RELN: variants seen among roughly 807,000 people sequenced by gnomAD.
RELN encodes the protein reelin.
RELN carries 108 observed loss-of-function variants against 427.6 expected under a neutral mutation model. That is an observed-to-expected ratio of 0.25 (90% CI 0.22 to 0.30). RELN has a LOEUF of 0.30. RELN is among the 10% of genes least tolerant of loss of function. RELN has a pLI of 1.00. For missense variants in RELN, 3,715 were observed against 4,302.8 expected (o/e 0.86, Z 3.82); for synonymous variants, 1,524 against 1,513.4 (o/e 1.01, Z -0.16).
intron 46 of RELN, among the ~76,000 whole-genome samples, chr7:103,528,836 T>A (rs1829879068): frequency 6.6e-6 from 1 of 151,548 alleles, no homozygotes; most frequent in African/African-American, 2.4e-5. Context: ...GCCAATAAGC[T>A]TTTTTAAAGT....
At chr7:103,801,801 T>A (rs1792475700) in intron 3 of RELN, among the ~76,000 whole-genome samples, 1 of 152,152 alleles carries the variant, frequency 6.6e-6, no homozygotes, top group Admixed American at 6.5e-5. Context: ...GGTGAAGGTT[T>A]AAAGAATTTA....
chr7:103,545,248 C>T lies in RELN; in HGVS notation c.6399G>A (p.Glu2133=), dbSNP rs1309148226. 1 of 1,613,994 alleles carries T rather than the reference C, an allele frequency of 6.2e-7. No individual in the cohort carries two copies. Among genetic ancestry groups the T allele is most frequent in the South Asian group, 1.1e-5 (1 of 91,076 alleles). ...IDNVYIGPQC[E]EMCNGQGSCI... ...AGCTCCCCTGTCCATTACACATCTC[C>T]TCACACTGGGGACCGATGTAGACAT... The change falls in exon 42 of 65, where the codon GAG becomes GAA. Residue 2133 remains glutamate, a synonymous_variant. Transcript: ENST00000428762.
intron 33 of RELN, 46 bp from the exon 34 acceptor site, chr7:103,565,597 T>G: frequency 4.4e-6 from 7 of 1,585,338 alleles, no homozygotes; most frequent in Non-Finnish European, 6.0e-6. Flanking sequence ...TGTGCCATTT[T>G]CTTATTTGGT....
In RELN at chr7:103,503,391, G is replaced by A. The variant is rs1413909244; in HGVS notation, c.8275-161C>T. Among the ~76,000 whole-genome samples the A allele has an allele frequency of 3.9e-5, 6 of 152,298 alleles. No homozygotes were observed. In the East Asian group the frequency reaches 7.7e-4, roughly 20 times the overall value. On this transcript the variant is annotated intron_variant, in intron 51 of 64. Transcript: ENST00000428762. ...TTTGTTCTGCTAATGGACAGAGAAA[G>A]TCACCATGATTGCCCCAGGTGACAA...
rs539168813 is a variant in RELN, at chr7:103,904,667, G to A, written c.337+12408C>T. On this transcript the variant is annotated intron_variant, in intron 2 of 64. Coordinates refer to ENST00000428762, the MANE Select transcript of RELN (RefSeq NM_005045.4). ...AATGTGTGTTTTTGTTTGCCTAAAG[G>A]AAAGAAAACAAGTGACTTAATTACT... is the stretch of plus-strand genomic sequence containing the variant. Among the ~76,000 whole-genome samples the A allele has an allele frequency of 2.5e-4, 38 of 152,242 alleles. No homozygotes were observed. In the East Asian group the frequency reaches 6.0e-3, roughly 24 times the overall value.
At chr7:103,746,077 C>T (rs1481592105) in intron 6 of RELN, among the ~76,000 whole-genome samples, 2 of 151,972 alleles carry the variant, frequency 1.3e-5, no homozygotes, top group Non-Finnish European at 2.9e-5. Context: ...AGATATAGAC[C>T]AATGGAACAG....
At chr7:103,923,355 A>C (rs1245377455) in intron 1 of RELN, among the ~76,000 whole-genome samples, 2 of 152,154 alleles carry the variant, frequency 1.3e-5, no homozygotes, top group South Asian at 2.1e-4. Flanking sequence ...TGACCCTCGC[A>C]CTACTTCTCA....
At chr7:103,860,716 T>C (rs39407) in intron 2 of RELN, among the ~76,000 whole-genome samples, 97,938 of 151,902 alleles carry the variant, frequency 0.64, 31,973 homozygotes, top group East Asian at 0.84. Context: ...CGGCCCCAAT[T>C]ATAATTCTAA....
At chr7:103,565,654 C>T in intron 33 of RELN, 103 bp from the exon 34 acceptor site, 1 of 1,154,146 alleles carries the variant, frequency 8.7e-7, no homozygotes, top group Non-Finnish European at 1.2e-6. Flanking sequence ...AAAATCATGG[C>T]CTATCTTTAG....
intron 11 of RELN, among the ~76,000 whole-genome samples, chr7:103,672,574 T>C (rs1833417138): frequency 6.6e-6 from 1 of 152,208 alleles, no homozygotes; most frequent in Non-Finnish European, 1.5e-5. Flanking sequence ...TTTTAACAGC[T>C]TGCAACAAGT....
intron 2 of RELN, among the ~76,000 whole-genome samples, chr7:103,890,422 C>T (rs1794821672): frequency 6.6e-6 from 1 of 152,102 alleles, no homozygotes; most frequent in African/African-American, 2.4e-5. Flanking sequence ...TGAGCTCTGC[C>T]TCCTGTCAGA....
At chr7:103,882,400 T>C (rs1794627279) in intron 2 of RELN, among the ~76,000 whole-genome samples, 1 of 152,210 alleles carries the variant, frequency 6.6e-6, no homozygotes, top group Admixed American at 6.5e-5. Flanking sequence ...AATGGGATAA[T>C]TATTTATCTC....
chr7:103,946,037 G>A (rs891988360), intron 1 of RELN, among the ~76,000 whole-genome samples: 1 of 152,164 alleles, frequency 6.6e-6, no homozygotes, highest in Middle Eastern at 3.2e-3. Flanking sequence ...AGCAATGCAT[G>A]GCTGTGATTA....
At chr7:103,948,791 A>G (rs1796270505) in intron 1 of RELN, among the ~76,000 whole-genome samples, 1 of 152,090 alleles carries the variant, frequency 6.6e-6, no homozygotes, top group African/African-American at 2.4e-5. Context: ...GGGTGGGCAG[A>G]TCACTTAAGC....
chr7:103,753,111 C>A, intron 5 of RELN, 71 bp downstream of exon 5: 1 of 1,468,456 alleles, frequency 6.8e-7, no homozygotes, highest in South Asian at 1.1e-5. Context: ...AACATCTGCT[C>A]GTATAGCCAG....
At chr7:103,949,472 C>G (rs184744972) in intron 1 of RELN, among the ~76,000 whole-genome samples, 7 of 152,050 alleles carry the variant, frequency 4.6e-5, no homozygotes, top group African/African-American at 7.2e-5. Flanking sequence ...GGAGCCCTCA[C>G]GAACGCGATT....
intron 2 of RELN, among the ~76,000 whole-genome samples, chr7:103,855,327 G>C (rs915086001): frequency 2.6e-5 from 4 of 152,216 alleles, no homozygotes; most frequent in Non-Finnish European, 4.4e-5. Context: ...AGTCAGAATG[G>C]GAGGCCATCA....
intron 12 of RELN, among the ~76,000 whole-genome samples, chr7:103,655,734 T>C (rs1219496099): frequency 6.6e-6 from 1 of 152,104 alleles, no homozygotes; most frequent in Non-Finnish European, 1.5e-5. Context: ...AGGATGTCCA[T>C]ACACTGGGTA....
At chr7:103,676,201 A>T (rs575417371) in intron 11 of RELN, among the ~76,000 whole-genome samples, 2 of 152,120 alleles carry the variant, frequency 1.3e-5, no homozygotes, top group Non-Finnish European at 2.9e-5. Flanking sequence ...AGAAAAAAAT[A>T]AAAAAACCCC....
Sources: gnomAD v4.1 joint callset for allele counts (sites outside exome capture counted in the v4.1 genomes callset) on GRCh38, gnomAD v4.1.1 for gene constraint, MANE v1.5 for transcripts, NCBI Gene and HGNC (gene_info 2026-07-23, HGNC 2026-07-21) for gene names.